PTPRD: variants seen among roughly 807,000 people sequenced by gnomAD.
PTPRD encodes the protein protein tyrosine phosphatase receptor type D, also known as receptor-type tyrosine-protein phosphatase delta.
Under a neutral mutation model 214.5 loss-of-function variants are expected in PTPRD, and 34 were observed. That is an observed-to-expected ratio of 0.16 (90% CI 0.12 to 0.21). The LOEUF is 0.21. PTPRD is among the 10% of genes least tolerant of loss of function. The pLI, the probability that PTPRD is intolerant of heterozygous loss-of-function variation, is 1.00. For synonymous variants in PTPRD, 1,128 were observed against 845.7 expected (o/e 1.33, Z -5.79); for missense variants, 2,545 against 2,398.7 (o/e 1.06, Z -1.27).
intron 6 of PTPRD, among the ~76,000 whole-genome samples, chr9:9,749,762 A>G (rs1385829968): frequency 6.6e-6 from 1 of 152,214 alleles, no homozygotes; most frequent in Non-Finnish European, 1.5e-5. Flanking sequence ...TCATAAGGCA[A>G]AAGTTAGGAG....
At chr9:9,531,366 C>A (rs191246470) in intron 8 of PTPRD, among the ~76,000 whole-genome samples, 1 of 152,036 alleles carries the variant, frequency 6.6e-6, no homozygotes, top group East Asian at 1.9e-4. Flanking sequence ...ATAATAAGTA[C>A]CTATTAGTAA....
At chr9:10,346,076 A>C (rs2097075471) in intron 2 of PTPRD, among the ~76,000 whole-genome samples, 1 of 152,216 alleles carries the variant, frequency 6.6e-6, no homozygotes, top group African/African-American at 2.4e-5. Flanking sequence ...TTAAGCAATT[A>C]TATTGAAACA....
intron 9 of PTPRD, among the ~76,000 whole-genome samples, chr9:9,380,393 T>A (rs1254397098): frequency 6.6e-6 from 1 of 152,122 alleles, no homozygotes; most frequent in African/African-American, 2.4e-5. Flanking sequence ...TTTTTGTGGG[T>A]ACACAGTAGG....
intron 33 of PTPRD, among the ~76,000 whole-genome samples, chr9:8,450,705 T>A (rs1306900160): frequency 6.6e-6 from 1 of 152,206 alleles, no homozygotes; most frequent in East Asian, 1.9e-4. Context: ...TTTAACAAAT[T>A]TCTAAGCAAG....
intron 2 of PTPRD, among the ~76,000 whole-genome samples, chr9:10,374,395 G>C (rs944416079): frequency 3.9e-5 from 6 of 152,024 alleles, no homozygotes; most frequent in Admixed American, 2.6e-4. Context: ...AACATAACTA[G>C]TCCAGTTGGC....
chr9:8,449,987 G>C, intron 33 of PTPRD, 150 bp from the exon 34 acceptor site: 4 of 710,176 alleles, frequency 5.6e-6, no homozygotes, highest in Non-Finnish European at 9.1e-6. Context: ...AGTTCGGGTT[G>C]CTTTTCCCCC....
chr9:9,904,528 C>T (rs2077107675), intron 5 of PTPRD, among the ~76,000 whole-genome samples: 1 of 152,006 alleles, frequency 6.6e-6, no homozygotes, highest in Admixed American at 6.6e-5. Flanking sequence ...AAAGGTTATG[C>T]TCTCAACTGT....
chr9:10,574,362 G>A (rs911560982), intron 2 of PTPRD, among the ~76,000 whole-genome samples: 4 of 152,072 alleles, frequency 2.6e-5, no homozygotes, highest in Non-Finnish European at 5.9e-5. Flanking sequence ...ACTTCAAAAT[G>A]CTAATCCATT....
At chr9:9,978,287 T>C (rs1229183914) in intron 4 of PTPRD, among the ~76,000 whole-genome samples, 4 of 152,100 alleles carry the variant, frequency 2.6e-5, no homozygotes, top group African/African-American at 9.7e-5. Context: ...GTGAAACCTG[T>C]TGACAATCTA....
chr9:9,040,656 T>C (rs1358881280), intron 10 of PTPRD, among the ~76,000 whole-genome samples: 3 of 152,160 alleles, frequency 2.0e-5, no homozygotes, highest in Non-Finnish European at 4.4e-5. Flanking sequence ...CAAGAACATA[T>C]TTTAGAATTT....
At chr9:9,044,362 G>A (rs1332028024) in intron 10 of PTPRD, among the ~76,000 whole-genome samples, 1 of 152,188 alleles carries the variant, frequency 6.6e-6, no homozygotes, top group Admixed American at 6.6e-5. Context: ...CACTGTGAGT[G>A]GCCCATGTTA....
chr9:9,819,619 G>A (rs1270299247), intron 5 of PTPRD, among the ~76,000 whole-genome samples: 1 of 152,050 alleles, frequency 6.6e-6, no homozygotes, highest in Non-Finnish European at 1.5e-5. Flanking sequence ...CCCAGGTACT[G>A]AGCATAGTCC....
At chr9:8,939,020 T>C (rs1002496643) in intron 11 of PTPRD, among the ~76,000 whole-genome samples, 1 of 152,208 alleles carries the variant, frequency 6.6e-6, no homozygotes, top group African/African-American at 2.4e-5. Context: ...ATGTTAAGGA[T>C]TCCTGGACAT....
chr9:8,785,993 A>G (rs13440123), intron 11 of PTPRD, among the ~76,000 whole-genome samples: 6,019 of 152,088 alleles, frequency 0.04, 207 homozygotes, highest in African/African-American at 0.093. Context: ...CAGATAGATA[A>G]CAAACACCAG....
chr9:9,530,426 A>G (rs1462129289), intron 8 of PTPRD, among the ~76,000 whole-genome samples: 1 of 152,204 alleles, frequency 6.6e-6, no homozygotes. Flanking sequence ...CAACCTACCA[A>G]GATTGAATCA....
chr9:8,558,222 T>C (rs1354175938), intron 14 of PTPRD, among the ~76,000 whole-genome samples: 1 of 152,222 alleles, frequency 6.6e-6, no homozygotes, highest in Non-Finnish European at 1.5e-5. Flanking sequence ...TAATTAGCTA[T>C]TTCCTTATGC....
At chr9:10,018,702 T>C (rs202145344) in intron 4 of PTPRD, among the ~76,000 whole-genome samples, 30 of 149,938 alleles carry the variant, frequency 2.0e-4, no homozygotes, top group Non-Finnish European at 3.0e-4. Context: ...CGCCCGCCAC[T>C]ACGCCCGGCT....
At chr9:8,503,358 T>C (rs1398973185) in intron 23 of PTPRD, among the ~76,000 whole-genome samples, 1 of 152,108 alleles carries the variant, frequency 6.6e-6, no homozygotes, top group Non-Finnish European at 1.5e-5. Context: ...ATTGTATAAT[T>C]CACTATGTCA....
chr9:8,810,040 G>T (rs1219589863), intron 11 of PTPRD, among the ~76,000 whole-genome samples: 2 of 152,282 alleles, frequency 1.3e-5, no homozygotes, highest in East Asian at 3.9e-4. Flanking sequence ...GGCCCCAAGT[G>T]CTCCCCTAAT....
Sources: gnomAD v4.1 joint callset for allele counts (sites outside exome capture counted in the v4.1 genomes callset) on GRCh38, gnomAD v4.1.1 for gene constraint, MANE v1.5 for transcripts, NCBI Gene and HGNC (gene_info 2026-07-23, HGNC 2026-07-21) for gene names.